The following NCEH1 variants were observed in gnomAD, a reference collection of about 807,000 sequenced individuals.
NCEH1 encodes neutral cholesterol ester hydrolase 1.
NCEH1 carries 9 observed loss-of-function variants against 25.4 expected under a neutral mutation model. The observed-to-expected ratio is 0.35, with a 90% CI of 0.21 to 0.62. The LOEUF is 0.62. Ranked by LOEUF, NCEH1 falls within the 20% of genes least tolerant of loss-of-function variation. The pLI is 0.72. For synonymous variants in NCEH1, 200 were observed against 199.8 expected (o/e 1.00, Z -0.01); for missense variants, 412 against 501.1 (o/e 0.82, Z 1.70).
intron 1 of NCEH1, among the ~76,000 whole-genome samples, chr3:172,673,402 C>T (rs970415987): frequency 1.3e-5 from 2 of 152,220 alleles, no homozygotes; most frequent in Non-Finnish European, 2.9e-5. Flanking sequence ...AGTAGTCACT[C>T]TCCCCAAACA....
intron 2 of NCEH1, 38 bp downstream of exon 2, chr3:172,647,848 C>T: frequency 6.2e-7 from 1 of 1,611,874 alleles, no homozygotes. Context: ...CCAAGGCCAA[C>T]CACAACAACA....
At chr3:172,693,408 A>G (rs1713174317) in intron 1 of NCEH1, among the ~76,000 whole-genome samples, 1 of 151,356 alleles carries the variant, frequency 6.6e-6, no homozygotes. Context: ...GGTGTGTCAA[A>G]TTTTAACATG....
chr3:172,640,666 C>A (rs182633489), intron 3 of NCEH1, among the ~76,000 whole-genome samples: 1 of 152,324 alleles, frequency 6.6e-6, no homozygotes, highest in Non-Finnish European at 1.5e-5. Flanking sequence ...CGCCACCGCA[C>A]CTGGCTAATT....
chr3:172,643,813 G>C (rs959836682), intron 3 of NCEH1, among the ~76,000 whole-genome samples: 2 of 152,100 alleles, frequency 1.3e-5, no homozygotes, highest in African/African-American at 4.8e-5. Flanking sequence ...CAAGGAGCTG[G>C]GGCTACACAA....
intron 1 of NCEH1, among the ~76,000 whole-genome samples, chr3:172,692,162 A>G (rs1221743514): frequency 6.6e-6 from 1 of 152,098 alleles, no homozygotes; most frequent in African/African-American, 2.4e-5. Flanking sequence ...ACTTTAAACA[A>G]AGAATGACCG....
intron 3 of NCEH1, among the ~76,000 whole-genome samples, chr3:172,637,297 A>G (rs1344042119): frequency 6.6e-6 from 1 of 152,252 alleles, no homozygotes; most frequent in Admixed American, 6.5e-5. Context: ...AAACAGACCA[A>G]AATTAGGTAG....
At chr3:172,694,000 C>T (rs1252514576) in intron 1 of NCEH1, among the ~76,000 whole-genome samples, 2 of 152,100 alleles carry the variant, frequency 1.3e-5, no homozygotes, top group Admixed American at 6.6e-5. Context: ...TTCAAATGAT[C>T]CTCCCACCTC....
At chr3:172,649,652 G>C (rs1011729366) in intron 1 of NCEH1, among the ~76,000 whole-genome samples, 1 of 152,230 alleles carries the variant, frequency 6.6e-6, no homozygotes, top group Admixed American at 6.5e-5. Flanking sequence ...TAAAATGTTA[G>C]TCTAATTTAG....
intron 1 of NCEH1, among the ~76,000 whole-genome samples, chr3:172,708,608 C>T (rs1460096517): frequency 2.0e-5 from 3 of 152,180 alleles, no homozygotes; most frequent in African/African-American, 4.8e-5. Flanking sequence ...CCACCCGCCT[C>T]GGCCTCCCAA....
intron 1 of NCEH1, among the ~76,000 whole-genome samples, chr3:172,694,985 C>T (rs183147426): frequency 8.1e-5 from 12 of 148,004 alleles, no homozygotes; most frequent in African/African-American, 2.2e-4. Context: ...AAGTGCTGTT[C>T]GTCTTGTGAA....
chr3:172,639,753 G>A (rs765270050), intron 3 of NCEH1, among the ~76,000 whole-genome samples: 18 of 152,156 alleles, frequency 1.2e-4, no homozygotes, highest in Non-Finnish European at 2.4e-4. Flanking sequence ...ACTCCCATCA[G>A]AAGAACAAAA....
In NCEH1 at chr3:172,648,034, G is replaced by C; in HGVS notation, c.219C>G (p.Ser73Arg). 6.2e-7 allele frequency: 1 copy of C among 1,614,134 alleles called. No individual in the cohort carries two copies. Residue 73 changes from serine to arginine, a missense_variant, in exon 2 of 5, where the codon AGC becomes AGG. By Grantham distance (110) the Ser-to-Arg change is moderately radical (BLOSUM62 -1). This residue lies in a region of NCEH1 where 178 missense variants were observed against 189.2 expected (regional missense o/e 0.94). Transcript: ENST00000475381. ...NFIIVSFGKK[S>R]AWSSAQVKVT... ...CCTTCACTTGGGCAGAAGACCACGC[G>C]CTTTTTTTGCCAAAAGAAACAATGA...
intron 1 of NCEH1, among the ~76,000 whole-genome samples, chr3:172,693,582 G>A (rs967567359): frequency 6.6e-5 from 10 of 152,192 alleles, no homozygotes; most frequent in Middle Eastern, 3.4e-3. Flanking sequence ...ATTTGCTCTC[G>A]AAATATGCTT....
At chr3:172,653,765 T>TTTTTTG (rs1717555858) in intron 1 of NCEH1, among the ~76,000 whole-genome samples, 4 of 134,372 alleles carry the variant, frequency 3.0e-5, no homozygotes, top group African/African-American at 3.0e-5. Context: ...TTTTTGTTTT[T>TTTTTTG]TTTTTTTTTT....
intron 1 of NCEH1, among the ~76,000 whole-genome samples, chr3:172,661,187 C>T (rs970917262): frequency 1.3e-5 from 2 of 152,208 alleles, no homozygotes; most frequent in African/African-American, 4.8e-5. Flanking sequence ...CAGCTTTCTA[C>T]ATATGGCTAG....
intron 1 of NCEH1, among the ~76,000 whole-genome samples, chr3:172,692,869 C>T (rs1299116038): frequency 6.6e-6 from 1 of 152,200 alleles, no homozygotes; most frequent in Non-Finnish European, 1.5e-5. Context: ...TTGATACTTT[C>T]AGAAACTCCA....
intron 1 of NCEH1, among the ~76,000 whole-genome samples, chr3:172,670,303 A>G (rs919053579): frequency 8.5e-5 from 13 of 152,234 alleles, no homozygotes; most frequent in Admixed American, 6.5e-5. Context: ...AAAGCCTCCT[A>G]AACTTGTCAG....
At chr3:172,661,071 T>TGCCTAG (rs1458858846) in intron 1 of NCEH1, among the ~76,000 whole-genome samples, 3 of 152,214 alleles carry the variant, frequency 2.0e-5, no homozygotes, top group African/African-American at 7.2e-5. Context: ...TGAATGGTAT[T>TGCCTAG]GCCTAGGTTT....
At chr3:172,641,017 G>A (rs1395120120) in intron 3 of NCEH1, among the ~76,000 whole-genome samples, 2 of 151,982 alleles carry the variant, frequency 1.3e-5, no homozygotes, top group Non-Finnish European at 2.9e-5. Flanking sequence ...GTGCTCGAGG[G>A]GAAGGAATGT....
Sources: allele counts gnomAD v4.1 joint callset (sites outside exome capture counted in the v4.1 genomes callset), GRCh38; gene constraint gnomAD v4.1.1; regional missense constraint gnomAD v4.1.1; transcripts MANE v1.5; gene names NCBI Gene and HGNC (gene_info 2026-07-23, HGNC 2026-07-21).